Variants in OPCML observed in about 807,000 individuals in gnomAD.
OPCML encodes opioid-binding protein/cell adhesion molecule.
OPCML carries 13 observed loss-of-function variants against 37.8 expected under a neutral mutation model. That is an observed-to-expected ratio of 0.34 (90% confidence interval 0.22 to 0.55). OPCML has a LOEUF of 0.55. Among genes scored for constraint, OPCML ranks in the 20% least tolerant of loss-of-function variants. OPCML has a pLI of 0.91. For missense variants in OPCML, 341 were observed against 435.6 expected (o/e 0.78, Z 1.93); for synonymous variants, 176 against 168.8 (o/e 1.04, Z -0.33).
chr11:133,117,797 A>C (rs1949359544), intron 1 of OPCML: 1 of 983,962 alleles, frequency 1.0e-6, no homozygotes, highest in South Asian at 4.7e-5. Context: ...CTTAGATCAG[A>C]AGCAAACTAA....
At chr11:132,855,275 G>A (rs1486915103) in intron 2 of OPCML, among the ~76,000 whole-genome samples, 1 of 152,024 alleles carries the variant, frequency 6.6e-6, no homozygotes. Flanking sequence ...AATGCGCAAG[G>A]GCCATTTTCC....
intron 2 of OPCML, among the ~76,000 whole-genome samples, chr11:132,795,203 AC>A (rs1938234523): frequency 6.6e-6 from 1 of 152,196 alleles, no homozygotes; most frequent in Non-Finnish European, 1.5e-5. Context: ...TACATTTCAT[AC>A]GTTTGAATTT....
At chr11:132,611,352 C>T (rs936735261) in intron 3 of OPCML, among the ~76,000 whole-genome samples, 15 of 152,208 alleles carry the variant, frequency 9.9e-5, no homozygotes, top group Admixed American at 7.9e-4. Context: ...CCCCAATCCA[C>T]TGCCGTTCAG....
At chr11:133,515,385 G>A (rs993353100) in intron 1 of OPCML, among the ~76,000 whole-genome samples, 9 of 152,202 alleles carry the variant, frequency 5.9e-5, no homozygotes, top group Admixed American at 3.3e-4. Context: ...AGCTCAAAAG[G>A]TGCCACTGGC....
At chr11:132,507,615 C>T (rs2096260155) in intron 4 of OPCML, among the ~76,000 whole-genome samples, 1 of 151,122 alleles carries the variant, frequency 6.6e-6, no homozygotes, top group African/African-American at 2.4e-5. Context: ...TTAAAATTGC[C>T]AAAAAATACT....
chr11:133,054,575 G>A (rs967379436), intron 1 of OPCML, among the ~76,000 whole-genome samples: 1 of 152,142 alleles, frequency 6.6e-6, no homozygotes, highest in Non-Finnish European at 1.5e-5. Context: ...TACTGGTTGG[G>A]CACATCATCA....
chr11:132,453,246 T>C (rs2096073074), intron 4 of OPCML, among the ~76,000 whole-genome samples: 1 of 152,198 alleles, frequency 6.6e-6, no homozygotes, highest in Non-Finnish European at 1.5e-5. Context: ...TTTTGGTCTT[T>C]ATGGCTGAGG....
At chr11:132,929,986 C>T (rs1945144827) in intron 2 of OPCML, among the ~76,000 whole-genome samples, 2 of 152,152 alleles carry the variant, frequency 1.3e-5, no homozygotes, top group South Asian at 4.1e-4. Flanking sequence ...GAAAGTTTTT[C>T]TTCTAAGATT....
At chr11:132,490,477 T>A (rs978114950) in intron 4 of OPCML, among the ~76,000 whole-genome samples, 11 of 152,152 alleles carry the variant, frequency 7.2e-5, no homozygotes, top group African/African-American at 2.6e-4. Context: ...CTGGTATTAC[T>A]GGGTGTCAGA....
At chr11:133,447,711 TCATAGCTG>T (rs1289477429) in intron 1 of OPCML, among the ~76,000 whole-genome samples, 1 of 152,244 alleles carries the variant, frequency 6.6e-6, no homozygotes, top group Non-Finnish European at 1.5e-5. Context: ...TCATTCTTTT[TCATAGCTG>T]CATAGTATTC....
chr11:132,716,245 C>T (rs1157917221), intron 2 of OPCML, among the ~76,000 whole-genome samples: 1 of 152,152 alleles, frequency 6.6e-6, no homozygotes, highest in Non-Finnish European at 1.5e-5. Context: ...GTGTCACTGA[C>T]CTGGGAATCC....
intron 3 of OPCML, among the ~76,000 whole-genome samples, chr11:132,535,673 G>A (rs750207448): frequency 6.6e-6 from 1 of 152,324 alleles, no homozygotes; most frequent in East Asian, 1.9e-4. Flanking sequence ...GCCAGACCCA[G>A]TGAGAGGGGT....
At chr11:133,359,681 C>T (rs1376518852) in intron 1 of OPCML, among the ~76,000 whole-genome samples, 1 of 152,120 alleles carries the variant, frequency 6.6e-6, no homozygotes, top group Non-Finnish European at 1.5e-5. Context: ...CCCTCAGCTG[C>T]CCATGGTGTT....
At chr11:132,566,684 A>T (rs2096423938) in intron 3 of OPCML, among the ~76,000 whole-genome samples, 1 of 152,218 alleles carries the variant, frequency 6.6e-6, no homozygotes, top group Admixed American at 6.5e-5. Context: ...GCAGAACATC[A>T]TGCTGCATTT....
rs112064620 is a variant in OPCML at position 133,254,608 on chromosome 11, C to T, written c.61+277656G>A. Among the ~76,000 whole-genome samples the T allele has an allele frequency of 5.1e-3, 771 of 152,296 alleles. 8 individuals are homozygous for T. The highest frequency in any genetic ancestry group is 0.018 in the African/African-American group (749 of 41,560). On this transcript the variant is annotated intron_variant, in intron 1 of 7. Transcript: ENST00000524381. ...GTCAAGAGACCCTGAGCAGACAAGA[C>T]TGGGAGGAGGAGATGGCTATAGCAG...
At position 133,240,174 on chromosome 11, in the gene OPCML, C is replaced by G. The variant is rs915676122; in HGVS notation, c.61+292090G>C. Among the ~76,000 whole-genome samples, 4 of 136,672 alleles carry G rather than the reference C, an allele frequency of 2.9e-5. 1 individual carries two copies. Among genetic ancestry groups the G allele is most frequent in the Non-Finnish European group, 6.1e-5 (4 of 66,052 alleles). 89.7% of individuals were successfully genotyped at this position (136,672 alleles called of 152,430 possible). A position where few individuals can be genotyped will look rare whatever the true frequency, so the allele number is the denominator to read the frequency against. ...TGCTTCCCTTCTGCAAATAAGTCTCCTCTAGAATGGACTGAATGAATACTC... is the reference window on the plus strand; with the variant it reads ...TGCTTCCCTTCTGCAAATAAGTCTCGTCTAGAATGGACTGAATGAATACTC... On this transcript the variant is annotated intron_variant, in intron 1 of 7. Coordinates refer to ENST00000524381, the MANE Select transcript of OPCML (RefSeq NM_001012393.5).
chr11:133,458,599 G>GTGTGTATACACATATATACAC lies in OPCML; in HGVS notation c.61+73664_61+73665insGTGTATATATGTGTATACACA. 2.1e-5 allele frequency among the ~76,000 whole-genome samples: 2 copies of GTGTGTATACACATATATACAC among 96,768 alleles called. 1 individual carries two copies. The highest frequency in any genetic ancestry group is 3.4e-4 in the African/African-American group (2 of 5,886). 63.5% of individuals were successfully genotyped at this position (96,768 alleles called of 152,430 possible). ...CGTGTGTGTACACATATATACACGT[G>GTGTGTATACACATATATACAC]TGTGTGTGTATACACATATATACAC... is the stretch of plus-strand genomic sequence containing the variant. On this transcript the variant is annotated intron_variant, in intron 1 of 7. Coordinates refer to ENST00000524381, the MANE Select transcript of OPCML (RefSeq NM_001012393.5).
chr11:133,231,113 A>G (rs191905769), intron 1 of OPCML, among the ~76,000 whole-genome samples: 285 of 152,312 alleles, frequency 1.9e-3, no homozygotes, highest in African/African-American at 6.4e-3. Flanking sequence ...CAAGGTCATG[A>G]GCTCTCCCTT....
chr11:132,453,908 A>C (rs1278289737), intron 4 of OPCML, among the ~76,000 whole-genome samples: 1 of 152,184 alleles, frequency 6.6e-6, no homozygotes, highest in Non-Finnish European at 1.5e-5. Context: ...AACATTGCTG[A>C]TGACTCTTGG....
Sources: allele counts gnomAD v4.1 joint callset (sites outside exome capture counted in the v4.1 genomes callset), GRCh38; gene constraint gnomAD v4.1.1; transcripts MANE v1.5; gene names NCBI Gene and HGNC (gene_info 2026-07-23, HGNC 2026-07-21).